The following LGALS3BP variants were observed in gnomAD, a reference collection of about 807,000 sequenced individuals.
The protein encoded by LGALS3BP is galectin 3 binding protein, also known as galectin-3-binding protein.
Under a neutral mutation model 22.9 loss-of-function variants are expected in LGALS3BP, and 25 were observed. The ratio of observed to expected loss-of-function variants is 1.09; its 90% CI spans 0.80 to 1.53. The LOEUF is 1.53. Ranked by LOEUF, LGALS3BP falls within the 40% of genes most tolerant of loss-of-function variation. The pLI, the probability that LGALS3BP is intolerant of heterozygous loss-of-function variation, is 0.00. For synonymous variants in LGALS3BP, 335 were observed against 331.1 expected (o/e 1.01, Z -0.13); for missense variants, 718 against 752.0 (o/e 0.95, Z 0.53).
Position 78,976,001 on chromosome 17 carries a change from C to G in LGALS3BP, c.208G>C (p.Ala70Pro), listed in dbSNP as rs1222071795. The G allele has an allele frequency of 6.2e-7, 1 of 1,611,762 alleles. No homozygotes were observed. The highest frequency in any genetic ancestry group is 1.7e-5 in the Admixed American group (1 of 59,852). The change falls in exon 3 of 6, where the codon GCC becomes CCC. Residue 70 changes from alanine to proline, a missense_variant. Transcript: ENST00000262776. The surrounding 1 kb of genome is among the most constrained non-coding windows in gnomAD (Gnocchi z 4.6). ...VVCRALGFEN[A>P]TQALGRAAFG... ...GCAGCTCTGCCCAGAGCCTGGGTGG[C>G]GTTCTCGAAGCCCAGGGCCCGGCAG...
At chr17:78,974,657 G>A (rs1328925062) in intron 4 of LGALS3BP, 31 bp downstream of exon 4, 9 of 1,603,646 alleles carry the variant, frequency 5.6e-6, no homozygotes, top group Admixed American at 1.7e-5. Context: ...GGCACACTGG[G>A]GCCTCCGCAG....
Position 78,976,911 on chromosome 17 carries a change from C to T in LGALS3BP, c.52+229G>A, listed in dbSNP as rs939554324. 1.7e-6 allele frequency: 1 copy of T among 578,494 alleles called. No individual in the cohort carries two copies. The highest frequency in any genetic ancestry group is 2.9e-5 in the Admixed American group (1 of 33,900). The allele number at this position is 578,494 out of a possible 1,614,324, so 35.8% of individuals were successfully genotyped here. A position where few individuals can be genotyped will look rare whatever the true frequency, so the allele number is the denominator to read the frequency against. The stretch of plus-strand genomic sequence containing the variant: ...TTCCCTCTGGACGGAATGGAGGATT[C>T]CCTAGTGTCCTCTCTATAACCTGCA... On this transcript the variant is annotated intron_variant, in intron 2 of 5. Transcript: ENST00000262776. The surrounding 1 kb of genome is among the most constrained non-coding windows in gnomAD (Gnocchi z 4.6).
chr17:78,976,097 C>A lies in LGALS3BP; in HGVS notation c.112G>T (p.Glu38Ter). Residue 38 changes from glutamate (E) to a stop codon, truncating the protein, a stop_gained, in exon 3 of 6, where the codon GAG becomes TAG. Coordinates refer to ENST00000262776, the MANE Select transcript of LGALS3BP (RefSeq NM_005567.4). LOFTEE classifies it high-confidence loss of function. The surrounding 1 kb of genome is among the most constrained non-coding windows in gnomAD (Gnocchi z 4.6). ...DGGATNQGRV[E>*]IFYRGQWGTV... The stretch of plus-strand genomic sequence containing the variant: ...CCCCACTGGCCTCTGTAGAAGATCT[C>A]CACGCGGCCCTGGTTGGTGGCGCCC... 1 of 1,605,486 alleles carries A rather than the reference C, an allele frequency of 6.2e-7. No homozygotes were observed. The highest frequency in any genetic ancestry group is 2.2e-5 in the East Asian group (1 of 44,518).
At chr17:78,974,183 G>A (rs535353553) in intron 4 of LGALS3BP, among the ~76,000 whole-genome samples, 8 of 152,364 alleles carry the variant, frequency 5.3e-5, no homozygotes, top group South Asian at 4.1e-4. Context: ...CCCAGGAAGA[G>A]CCACCTCGGC....
intron 2 of LGALS3BP, 91 bp downstream of exon 2, chr17:78,977,049 G>C (rs750228874): frequency 7.2e-7 from 1 of 1,396,822 alleles, no homozygotes; most frequent in Non-Finnish European, 1.0e-6. Flanking sequence ...CCGGGCCCCA[G>C]GCAGAATATC....
rs1243868032 is a variant in LGALS3BP at position 78,971,696 on chromosome 17, A to G, written c.1638T>C (p.Ser546=). ...DFEGWKAAIP[S]ALDTNSSKST... is the part of the protein sequence containing the mutation. ...TCTTCGAGCTGTTGGTGTCCAGGGC[A>G]CTGGGAATCGCAGCCTTCCAGCCCT... is the stretch of plus-strand genomic sequence containing the variant. Residue 546 remains serine, a synonymous_variant, in exon 6 of 6, where the codon AGT becomes AGC. Transcript: ENST00000262776. This position sits in a 1 kb window ranked among gnomAD's most constrained non-coding sequence, Gnocchi z 5.6. The G allele has an allele frequency of 1.2e-6, 2 of 1,613,920 alleles. No homozygotes were observed. Among genetic ancestry groups the G allele is most frequent in the Non-Finnish European group, 1.7e-6 (2 of 1,180,016 alleles).
Position 78,973,067 on chromosome 17 carries a change from C to T in LGALS3BP, c.532G>A (p.Ala178Thr). 1 of 1,613,854 alleles carries T rather than the reference C, an allele frequency of 6.2e-7. No homozygotes were observed. Among genetic ancestry groups the T allele is most frequent in the South Asian group, 1.1e-5 (1 of 91,072 alleles). Residue 178 changes from alanine to threonine, a missense_variant, in exon 5 of 6, where the codon GCC (alanine) becomes ACC (threonine). Physicochemically the swap from Ala to Thr is moderately conservative, Grantham distance 58. Transcript: ENST00000262776. This position sits in a 1 kb window ranked among gnomAD's most constrained non-coding sequence, Gnocchi z 5.8. ...CACAGGGCCTGGGCCTCCAGGTTGG[C>T]AGTCAGGATGACCGTGTGGCCACAG... ...GFCGHTVILT[A>T]NLEAQALWKE...
chr17:78,979,774 G>A (rs1490969464), intron 1 of LGALS3BP, 50 bp downstream of exon 1: 1 of 149,734 alleles, frequency 6.7e-6, no homozygotes, highest in African/African-American at 2.6e-5. Context: ...ATAAAAAAGA[G>A]AGAGAGACTG....
Position 78,971,953 on chromosome 17 carries a change from A to G in LGALS3BP, c.1381T>C (p.Phe461Leu). Residue 461 changes from phenylalanine (F) to leucine (L), a missense_variant, in exon 6 of 6, where the codon TTC (phenylalanine) becomes CTC (leucine). Phe to Leu is a conservative substitution (Grantham distance 22). Coordinates refer to ENST00000262776, the MANE Select transcript of LGALS3BP (RefSeq NM_005567.4). The surrounding 1 kb of genome is among the most constrained non-coding windows in gnomAD (Gnocchi z 5.6). Reference protein sequence around the residue: ...SDYRYYPYQSFQTPQHPSFLF... With the variant: ...SDYRYYPYQSLQTPQHPSFLF... ...AAGCTGGGGTGTTGTGGAGTCTGGAAGGACTGGTAGGGGTAGTATCTGTAG... is the reference window on the plus strand; with the variant it reads ...AAGCTGGGGTGTTGTGGAGTCTGGAGGGACTGGTAGGGGTAGTATCTGTAG... 1.2e-6 allele frequency: 2 copies of G among 1,614,114 alleles called. No individual in the cohort carries two copies. The highest frequency in any genetic ancestry group is 1.7e-6 in the Non-Finnish European group (2 of 1,180,022).
chr17:78,976,844 C>T lies in LGALS3BP; in HGVS notation c.52+296G>A, dbSNP rs2070724924. On this transcript the variant is annotated intron_variant, in intron 2 of 5. Coordinates refer to ENST00000262776, the MANE Select transcript of LGALS3BP (RefSeq NM_005567.4). This position sits in a 1 kb window ranked among gnomAD's most constrained non-coding sequence, Gnocchi z 4.6. ...GACCTGCGTCCAAGGCCACTGACCT[C>T]ACAACGGCCCCTGTGACTGCTGGTT... The T allele has an allele frequency of 2.2e-6, 1 of 445,688 alleles. No homozygotes were observed. The highest frequency in any genetic ancestry group is 4.1e-6 in the Non-Finnish European group (1 of 245,542). The allele number at this position is 445,688 out of a possible 1,614,324, so 27.6% of individuals were successfully genotyped here.
chr17:78,975,571 C>A (rs1041593012), intron 3 of LGALS3BP, among the ~76,000 whole-genome samples: 1 of 151,972 alleles, frequency 6.6e-6, no homozygotes, highest in African/African-American at 2.4e-5. Flanking sequence ...GGGCGGATCA[C>A]TTGACACCGG....
In LGALS3BP at chr17:78,971,398, G is replaced by A; in HGVS notation, c.*178C>T. ...TGGTGAGGTGGTGGGAGAACTCCTG[G>A]TGGACCCTAGTGGAAGCCTTCCAGT... On this transcript the variant is annotated 3_prime_UTR_variant, in exon 6 of 6. Transcript: ENST00000262776. The surrounding 1 kb of genome is among the most constrained non-coding windows in gnomAD (Gnocchi z 5.6). 1 of 617,742 alleles carries A rather than the reference G, an allele frequency of 1.6e-6. No homozygotes were observed. The highest frequency in any genetic ancestry group is 2.8e-6 in the Non-Finnish European group (1 of 356,848). The allele number at this position is 617,742 out of a possible 1,614,324, so 38.3% of individuals were successfully genotyped here.
intron 1 of LGALS3BP, among the ~76,000 whole-genome samples, chr17:78,978,413 AG>A (rs2070738308): frequency 6.6e-6 from 1 of 152,230 alleles, no homozygotes; most frequent in South Asian, 2.1e-4. Context: ...CGTGACCCTG[AG>A]AACCACCTTA....
Position 78,976,938 on chromosome 17 carries a change from C to T in LGALS3BP, c.52+202G>A. The stretch of plus-strand genomic sequence containing the variant: ...CTAGTGTCCTCTCTATAACCTGCAT[C>T]TCACCTGAACCCAGGTGAGCCCCCG... On this transcript the variant is annotated intron_variant, in intron 2 of 5. Coordinates refer to ENST00000262776, the MANE Select transcript of LGALS3BP (RefSeq NM_005567.4). The surrounding 1 kb of genome is among the most constrained non-coding windows in gnomAD (Gnocchi z 4.6). 3.3e-6 allele frequency: 2 copies of T among 614,402 alleles called. No homozygotes were observed. The highest frequency in any genetic ancestry group is 5.8e-6 in the Non-Finnish European group (2 of 342,204). The allele number at this position is 614,402 out of a possible 1,614,324, so 38.1% of individuals were successfully genotyped here.
chr17:78,976,830 A>G lies in LGALS3BP; in HGVS notation c.52+310T>C. On this transcript the variant is annotated intron_variant, in intron 2 of 5. Transcript: ENST00000262776. The surrounding 1 kb of genome is among the most constrained non-coding windows in gnomAD (Gnocchi z 4.6). Reference sequence around the variant, plus strand: ...CCCTCTGGAAGACTGACCTGCGTCCAAGGCCACTGACCTCACAACGGCCCC... The same window carrying G: ...CCCTCTGGAAGACTGACCTGCGTCCGAGGCCACTGACCTCACAACGGCCCC... 1 of 397,388 alleles carries G rather than the reference A, an allele frequency of 2.5e-6. No homozygotes were observed. Among genetic ancestry groups the G allele is most frequent in the Non-Finnish European group, 4.6e-6 (1 of 216,914 alleles). 24.6% of individuals were successfully genotyped at this position (397,388 alleles called of 1,614,324 possible).
Position 78,971,633 on chromosome 17 carries a change from G to A in LGALS3BP, c.1701C>T (p.Asn567=), listed in dbSNP as rs762702445. Residue 567 remains asparagine (N), a synonymous_variant, in exon 6 of 6, where the codon AAC becomes AAT. Transcript: ENST00000262776. This position sits in a 1 kb window ranked among gnomAD's most constrained non-coding sequence, Gnocchi z 5.6. ...AGGGGCGGATGACCGTGCGGAAGCC[G>A]TTGAAGTGCCCTGCCGGGCAGGGGA... is the stretch of plus-strand genomic sequence containing the variant. ...SSFPCPAGHF[N]GFRTVIRPFY... is the part of the protein sequence containing the mutation. The A allele has an allele frequency of 1.9e-5, 30 of 1,613,812 alleles. No homozygotes were observed. Among genetic ancestry groups the A allele is most frequent in the Admixed American group, 1.7e-5 (1 of 60,030 alleles).
Position 78,973,006 on chromosome 17 carries a change from T to C in LGALS3BP, c.593A>G (p.Asp198Gly). 6.2e-7 allele frequency: 1 copy of C among 1,613,320 alleles called. No individual in the cohort carries two copies. Among genetic ancestry groups the C allele is most frequent in the South Asian group, 1.1e-5 (1 of 91,026 alleles). The change falls in exon 5 of 6, where the codon GAT (aspartate) becomes GGT (glycine). Residue 198 changes from aspartate (D) to glycine (G), a missense_variant. By Grantham distance (94) the Asp-to-Gly change is moderately conservative. Coordinates refer to ENST00000262776, the MANE Select transcript of LGALS3BP (RefSeq NM_005567.4). The surrounding 1 kb of genome is among the most constrained non-coding windows in gnomAD (Gnocchi z 5.8). Reference sequence around the variant, plus strand: ...CCTGACCATGGGCACACACTCAGCATCCACACTCATGGTGACATTGCTGCC... The same window carrying C: ...CCTGACCATGGGCACACACTCAGCACCCACACTCATGGTGACATTGCTGCC... ...EPGSNVTMSV[D>G]AECVPMVRDL...
rs1197459677 is a variant in LGALS3BP at position 78,971,747 on chromosome 17, G to A, written c.1587C>T (p.Leu529=). The A allele has an allele frequency of 3.7e-6, 6 of 1,614,004 alleles. No homozygotes were observed. Among genetic ancestry groups the A allele is most frequent in the East Asian group, 2.2e-5 (1 of 44,892 alleles). ...ENKALMLCEG[L]FVADVTDFEG... ...CGAAATCGGTGACGTCTGCCACGAA[G>A]AGCCCTTCGCAGAGCATCAGGGCTT... The change falls in exon 6 of 6, where the codon CTC becomes CTT. Residue 529 remains leucine (L), a synonymous_variant. Coordinates refer to ENST00000262776, the MANE Select transcript of LGALS3BP (RefSeq NM_005567.4). The surrounding 1 kb of genome is among the most constrained non-coding windows in gnomAD (Gnocchi z 5.6).
intron 1 of LGALS3BP, among the ~76,000 whole-genome samples, chr17:78,978,816 A>G (rs2070741556): frequency 6.6e-6 from 1 of 152,124 alleles, no homozygotes; most frequent in African/African-American, 2.4e-5. Flanking sequence ...GTAATCCCAG[A>G]ACTTTGGGAG....
Sources: allele counts gnomAD v4.1 joint callset (sites outside exome capture counted in the v4.1 genomes callset), GRCh38; gene constraint gnomAD v4.1.1; non-coding constraint Gnocchi (gnomAD v3.1); transcripts MANE v1.5; gene names NCBI Gene and HGNC (gene_info 2026-07-23, HGNC 2026-07-21).